CALCR: variants seen among roughly 807,000 people sequenced by gnomAD.
The protein encoded by CALCR is calcitonin receptor.
A neutral mutation model predicts 59.5 loss-of-function variants in CALCR; 47 were observed. That is an observed-to-expected ratio of 0.79 (90% CI 0.63 to 1.01). CALCR has a LOEUF of 1.01. Ranked by LOEUF, CALCR falls within the 50% of genes least tolerant of loss-of-function variation. The pLI is 0.00. For synonymous variants in CALCR, 213 were observed against 211.3 expected (o/e 1.01, Z -0.07); for missense variants, 566 against 597.1 (o/e 0.95, Z 0.54).
At chr7:93,567,552 G>GTT (rs370167550) in intron 2 of CALCR, among the ~76,000 whole-genome samples, 1 of 149,214 alleles carries the variant, frequency 6.7e-6, no homozygotes, top group African/African-American at 2.5e-5. Flanking sequence ...TTTATAAAAA[G>GTT]TTTTTTTTTT....
At chr7:93,487,186 C>T (rs945275446) in intron 2 of CALCR, among the ~76,000 whole-genome samples, 179 bp from the exon 3 acceptor site, 4 of 151,286 alleles carry the variant, frequency 2.6e-5, no homozygotes, top group Admixed American at 2.0e-4. Flanking sequence ...GATTCCATTG[C>T]TTTTCCTGTC....
intron 2 of CALCR, among the ~76,000 whole-genome samples, chr7:93,561,414 T>G (rs1352652601): frequency 1.3e-5 from 2 of 152,166 alleles, no homozygotes; most frequent in African/African-American, 2.4e-5. Context: ...CACCCTTCAT[T>G]CCCTAATAGC....
At chr7:93,526,922 TAA>T (rs1210325035) in intron 2 of CALCR, among the ~76,000 whole-genome samples, 1 of 152,060 alleles carries the variant, frequency 6.6e-6, no homozygotes, top group Non-Finnish European at 1.5e-5. Context: ...TACATGGCAT[TAA>T]GTTAGTTATA....
chr7:93,496,010 GATA>G lies in CALCR; in HGVS notation c.-26-9006_-26-9004del, dbSNP rs1432373680. The G allele has an allele frequency of 4.4e-6, 5 of 1,138,004 alleles. No homozygotes were observed. The East Asian group carries it at 1.1e-4, about 24-fold the overall frequency. 70.5% of individuals were successfully genotyped at this position (1,138,004 alleles called of 1,614,324 possible). A position where few individuals can be genotyped will look rare whatever the true frequency, so the allele number is the denominator to read the frequency against. On this transcript the variant is annotated intron_variant, in intron 2 of 13. Coordinates refer to ENST00000426151, the MANE Select transcript of CALCR (RefSeq NM_001742.4). ...ATAAAATGAAAATCAGTAAATCAAT[GATA>G]ATGATTGAACAGAATGTCTTCATGT...
chr7:93,545,998 C>CAA (rs964121280), intron 2 of CALCR, among the ~76,000 whole-genome samples: 1 of 151,360 alleles, frequency 6.6e-6, no homozygotes, highest in Non-Finnish European at 1.5e-5. Flanking sequence ...AAGAAAATAA[C>CAA]AAAAAAAATA....
intron 4 of CALCR, among the ~76,000 whole-genome samples, chr7:93,478,812 T>C (rs1210789362): frequency 6.6e-6 from 1 of 151,778 alleles, no homozygotes; most frequent in Non-Finnish European, 1.5e-5. Flanking sequence ...CCTGAAAATA[T>C]CTGGGCAGTC....
intron 2 of CALCR, among the ~76,000 whole-genome samples, chr7:93,562,541 T>C (rs961223765): frequency 6.6e-6 from 1 of 152,198 alleles, no homozygotes; most frequent in African/African-American, 2.4e-5. Flanking sequence ...CTTTCCTGCA[T>C]AAGCTTATAT....
At chr7:93,561,241 G>A (rs1789739533) in intron 2 of CALCR, among the ~76,000 whole-genome samples, 1 of 152,094 alleles carries the variant, frequency 6.6e-6, no homozygotes, top group South Asian at 2.1e-4. Flanking sequence ...TAAGTGTTTT[G>A]TATCTGAACA....
At chr7:93,549,639 C>T (rs1789395011) in intron 2 of CALCR, among the ~76,000 whole-genome samples, 1 of 152,158 alleles carries the variant, frequency 6.6e-6, no homozygotes, top group Admixed American at 6.6e-5. Flanking sequence ...AAAATTGAGA[C>T]TTTGATTTTA....
chr7:93,475,863 T>C (rs1482599072), intron 5 of CALCR, among the ~76,000 whole-genome samples: 1 of 151,850 alleles, frequency 6.6e-6, no homozygotes, highest in East Asian at 2.0e-4. Flanking sequence ...CCCACAGATT[T>C]TCCGCTAACA....
intron 7 of CALCR, among the ~76,000 whole-genome samples, chr7:93,465,874 G>A (rs1036652341): frequency 2.6e-5 from 4 of 151,806 alleles, no homozygotes; most frequent in Admixed American, 1.3e-4. Context: ...TTTTAGTGAA[G>A]TATTGGCAGT....
intron 2 of CALCR, among the ~76,000 whole-genome samples, chr7:93,497,558 T>A (rs1263024826): frequency 1.3e-5 from 2 of 151,542 alleles, no homozygotes; most frequent in African/African-American, 4.8e-5. Context: ...ACAAATCAGG[T>A]GTTCTGACTC....
At chr7:93,469,174 T>C (rs570016337) in intron 6 of CALCR, among the ~76,000 whole-genome samples, 39 of 151,942 alleles carry the variant, frequency 2.6e-4, no homozygotes, top group African/African-American at 9.4e-4. Flanking sequence ...ACCACAGAAC[T>C]GGCAAAGCAG....
intron 13 of CALCR, among the ~76,000 whole-genome samples, chr7:93,428,580 C>CATGA (rs1799580816): frequency 6.6e-6 from 1 of 152,126 alleles, no homozygotes. Context: ...GCGGGCAGAT[C>CATGA]ATGAGATCAG....
At chr7:93,428,064 G>A (rs999757688) in intron 13 of CALCR, among the ~76,000 whole-genome samples, 1 of 152,124 alleles carries the variant, frequency 6.6e-6, no homozygotes, top group Non-Finnish European at 1.5e-5. Context: ...TATATCTAAA[G>A]TGATTTAAAA....
At chr7:93,506,462 C>T (rs899010384) in intron 2 of CALCR, among the ~76,000 whole-genome samples, 3 of 152,138 alleles carry the variant, frequency 2.0e-5, no homozygotes, top group Admixed American at 2.0e-4. Context: ...GTGTTTAATG[C>T]TACTTAGTGT....
intron 13 of CALCR, among the ~76,000 whole-genome samples, chr7:93,433,753 T>C (rs968580431): frequency 6.6e-6 from 1 of 152,222 alleles, no homozygotes; most frequent in Non-Finnish European, 1.5e-5. Context: ...TCTCTAGATT[T>C]TACTGATCTA....
intron 7 of CALCR, among the ~76,000 whole-genome samples, chr7:93,467,643 A>C (rs369855935): frequency 6.6e-6 from 1 of 151,600 alleles, no homozygotes; most frequent in Admixed American, 6.6e-5. Flanking sequence ...GTAGTGATAA[A>C]TGCATATATA....
At chr7:93,470,258 TACAC>T (rs60525647) in intron 6 of CALCR, among the ~76,000 whole-genome samples, 9,545 of 147,784 alleles carry the variant, frequency 0.065, 976 homozygotes, top group African/African-American at 0.21. Flanking sequence ...AGGAATCTTA[TACAC>T]ACACACACAC....
Sources: gnomAD v4.1 joint callset for allele counts (sites outside exome capture counted in the v4.1 genomes callset) on GRCh38, gnomAD v4.1.1 for gene constraint, MANE v1.5 for transcripts, NCBI Gene and HGNC (gene_info 2026-07-23, HGNC 2026-07-21) for gene names.